The following DDX39A variants were observed in gnomAD, a reference collection of about 807,000 sequenced individuals.
DDX39A encodes DExD-box helicase 39A.
Under a neutral mutation model 46.3 loss-of-function variants are expected in DDX39A, and 13 were observed. The observed-to-expected ratio is 0.28, with a 90% CI of 0.18 to 0.45. The LOEUF (loss-of-function observed/expected upper bound fraction) is 0.45. Among genes scored for constraint, DDX39A ranks in the 20% least tolerant of loss-of-function variants. The pLI, the probability that DDX39A is intolerant of heterozygous loss-of-function variation, is 1.00. For missense variants in DDX39A, 352 were observed against 581.8 expected (o/e 0.61, Z 4.06); for synonymous variants, 234 against 224.6 (o/e 1.04, Z -0.38).
chr19:14,417,151 G>C lies in DDX39A; in HGVS notation c.-5+2119C>G, dbSNP rs1235129387. ...TCACCAAATAAAAGAGAAGTAACCA[G>C]GGTAGGGGCGTGAGGTAAGGAAAGA... On this transcript the variant is annotated intron_variant, in intron 1 of 10. Coordinates refer to ENST00000242776, the MANE Select transcript of DDX39A (RefSeq NM_005804.4). Among the ~76,000 whole-genome samples the C allele has an allele frequency of 3.3e-5, 5 of 152,254 alleles. No homozygotes were observed. The East Asian group carries it at 9.7e-4, about 29-fold the overall frequency.
chr19:14,409,287 C>A lies in DDX39A; in HGVS notation c.1119+16G>T. The A allele has an allele frequency of 6.2e-7, 1 of 1,614,130 alleles. No individual in the cohort carries two copies. Among genetic ancestry groups the A allele is most frequent in the Non-Finnish European group, 8.5e-7 (1 of 1,180,002 alleles). On this transcript the variant is annotated intron_variant, in intron 9 of 10. Coordinates refer to ENST00000242776, the MANE Select transcript of DDX39A (RefSeq NM_005804.4). This position sits in a 1 kb window ranked among gnomAD's most constrained non-coding sequence, Gnocchi z 8.3. ...CCACCGCCAGGGGAAAGCAACATGC[C>A]CGTGAGGCTGCTCACCCGGTGCAGG...
Position 14,408,830 on chromosome 19 carries a change from C to T in DDX39A, c.*106G>A. 6.8e-7 allele frequency: 1 copy of T among 1,462,384 alleles called. No homozygotes were observed. Among genetic ancestry groups the T allele is most frequent in the Non-Finnish European group, 9.1e-7 (1 of 1,097,480 alleles). The allele number at this position is 1,462,384 out of a possible 1,614,324, so 90.6% of individuals were successfully genotyped here. ...GGTGGGAGCCAGGCTTCCATAATAA[C>T]AAGTTTATTCTCATACAATCTCTAG... On this transcript the variant is annotated 3_prime_UTR_variant, in exon 11 of 11. Coordinates refer to ENST00000242776, the MANE Select transcript of DDX39A (RefSeq NM_005804.4).
At position 14,409,496 on chromosome 19, in the gene DDX39A, G is replaced by A. The variant is rs1976466002; in HGVS notation, c.974+40C>T. The A allele has an allele frequency of 2.5e-6, 4 of 1,611,360 alleles. No individual in the cohort carries two copies. Among genetic ancestry groups the A allele is most frequent in the Admixed American group, 3.3e-5 (2 of 59,996 alleles). On this transcript the variant is annotated intron_variant, in intron 8 of 10. Transcript: ENST00000242776. This position sits in a 1 kb window ranked among gnomAD's most constrained non-coding sequence, Gnocchi z 8.3. ...GAGGCCGTCAGACACTGGGCTCCTG[G>A]TGGTGCTCCCTGCAGCCTTGGCGGG...
In DDX39A at chr19:14,410,012, C is replaced by G; in HGVS notation, c.733-139G>C. The G allele has an allele frequency of 8.2e-7, 1 of 1,222,054 alleles. No homozygotes were observed. Among genetic ancestry groups the G allele is most frequent in the Non-Finnish European group, 1.2e-6 (1 of 837,910 alleles). 75.7% of individuals were successfully genotyped at this position (1,222,054 alleles called of 1,614,324 possible). A position where few individuals can be genotyped will look rare whatever the true frequency, so the allele number is the denominator to read the frequency against. Reference sequence around the variant, plus strand: ...GCACCAGACCTCAGTAAACATCGCTCAAAAGCTGGATGTAAGCTCTGGCCC... The same window carrying G: ...GCACCAGACCTCAGTAAACATCGCTGAAAAGCTGGATGTAAGCTCTGGCCC... On this transcript the variant is annotated intron_variant, in intron 6 of 10. Coordinates refer to ENST00000242776, the MANE Select transcript of DDX39A (RefSeq NM_005804.4). The surrounding 1 kb of genome is among the most constrained non-coding windows in gnomAD (Gnocchi z 4.3).
rs554181705 is a variant in DDX39A at position 14,411,593 on chromosome 19, C to A, written c.342G>T (p.Thr114=). 1 of 1,607,252 alleles carries A rather than the reference C, an allele frequency of 6.2e-7. No homozygotes were observed. Among genetic ancestry groups the A allele is most frequent in the Non-Finnish European group, 8.5e-7 (1 of 1,178,850 alleles). ...CCCTCGTGTGGCACATGACCAGGAC[C>A]GTCACCTGGGAAGTGGCATAAGAAG... ...QQIEPVNGQV[T]VLVMCHTREL... The change falls in exon 4 of 11, where the codon ACG becomes ACT. Residue 114 remains threonine, a synonymous_variant. Transcript: ENST00000242776. This position sits in a 1 kb window ranked among gnomAD's most constrained non-coding sequence, Gnocchi z 4.1.
At chr19:14,418,802 A>AATCCCGT in intron 1 of DDX39A, 1 of 408,536 alleles carries the variant, frequency 2.4e-6, no homozygotes, top group South Asian at 1.7e-5. Flanking sequence ...CAGAATCCCG[A>AATCCCGT]ATCCCGTAAA....
intron 1 of DDX39A, among the ~76,000 whole-genome samples, chr19:14,417,377 T>C (rs1284143698): frequency 6.6e-6 from 1 of 151,448 alleles, no homozygotes; most frequent in African/African-American, 2.4e-5. Flanking sequence ...TCCCAGCACT[T>C]TGAGAAGCCA....
At chr19:14,414,689 G>A (rs1306851106) in intron 1 of DDX39A, among the ~76,000 whole-genome samples, 1 of 150,066 alleles carries the variant, frequency 6.7e-6, no homozygotes, top group Non-Finnish European at 1.5e-5. Context: ...CAGGCTGCGC[G>A]CGGTGGCTCA....
rs941926055 is a variant in DDX39A at position 14,410,143 on chromosome 19, C to T, written c.732+73G>A. The T allele has an allele frequency of 1.8e-5, 24 of 1,334,994 alleles. No homozygotes were observed. The highest frequency in any genetic ancestry group is 1.4e-4 in the African/African-American group (10 of 69,398). 82.7% of individuals were successfully genotyped at this position (1,334,994 alleles called of 1,614,324 possible). A position where few individuals can be genotyped will look rare whatever the true frequency, so the allele number is the denominator to read the frequency against. On this transcript the variant is annotated intron_variant, in intron 6 of 10. Transcript: ENST00000242776. This position sits in a 1 kb window ranked among gnomAD's most constrained non-coding sequence, Gnocchi z 4.3. ...CCAGCATCCTCCGTGCCATGTGGGC[C>T]GTGCGGGTGTCCTGGGGCCCCAGGC...
chr19:14,410,486 T>TGCCTGAG lies in DDX39A; in HGVS notation c.614-159_614-153dup. On this transcript the variant is annotated intron_variant, in intron 5 of 10. Transcript: ENST00000242776. This position sits in a 1 kb window ranked among gnomAD's most constrained non-coding sequence, Gnocchi z 4.3. ...GAGCCGCGGGAGTGGCCAGTCCTGG[T>TGCCTGAG]GCCTGAGGGGCTGGGGGGTGGCCAG... The TGCCTGAG allele has an allele frequency of 1.5e-6, 1 of 679,100 alleles. No individual in the cohort carries two copies. Among genetic ancestry groups the TGCCTGAG allele is most frequent in the South Asian group, 1.7e-5 (1 of 60,336 alleles). The allele number at this position is 679,100 out of a possible 1,614,324, so 42.1% of individuals were successfully genotyped here.
chr19:14,410,873 A>T lies in DDX39A; in HGVS notation c.613+116T>A. On this transcript the variant is annotated intron_variant, in intron 5 of 10. Transcript: ENST00000242776. The surrounding 1 kb of genome is among the most constrained non-coding windows in gnomAD (Gnocchi z 4.3). ...CAGCAGCAGAGCTTTCCCCAAGATC[A>T]CCACAGGAGCCCCGCCTGCCGGCCG... 1.0e-6 allele frequency: 1 copy of T among 962,366 alleles called. No individual in the cohort carries two copies. Among genetic ancestry groups the T allele is most frequent in the Non-Finnish European group, 1.5e-6 (1 of 677,772 alleles). The allele number at this position is 962,366 out of a possible 1,614,324, so 59.6% of individuals were successfully genotyped here.
chr19:14,416,561 A>G (rs1976816083), intron 1 of DDX39A, among the ~76,000 whole-genome samples: 1 of 152,242 alleles, frequency 6.6e-6, no homozygotes, highest in Non-Finnish European at 1.5e-5. Context: ...AACAGGAGCC[A>G]AGAAAGGTCA....
At chr19:14,414,738 T>C (rs1479714971) in intron 1 of DDX39A, among the ~76,000 whole-genome samples, 1 of 148,080 alleles carries the variant, frequency 6.8e-6, no homozygotes, top group East Asian at 2.1e-4. Context: ...CCAAGGCGGG[T>C]GGGTCACCTG....
rs893748477 is a variant in DDX39A, at chr19:14,411,771, T to C, written c.337-173A>G. Among the ~76,000 whole-genome samples the C allele has an allele frequency of 1.3e-5, 2 of 151,014 alleles. No homozygotes were observed. Among genetic ancestry groups the C allele is most frequent in the South Asian group, 4.2e-4 (2 of 4,774 alleles). ...CGGCCCTTCCCCACCCCTCACTCCC[T>C]ATACCCTCCCACAGCTATTGAAACC... On this transcript the variant is annotated intron_variant, in intron 3 of 10. Coordinates refer to ENST00000242776, the MANE Select transcript of DDX39A (RefSeq NM_005804.4). This position sits in a 1 kb window ranked among gnomAD's most constrained non-coding sequence, Gnocchi z 4.1.
chr19:14,411,201 T>C lies in DDX39A; in HGVS notation c.430-29A>G. On this transcript the variant is annotated intron_variant, in intron 4 of 10. Coordinates refer to ENST00000242776, the MANE Select transcript of DDX39A (RefSeq NM_005804.4). The surrounding 1 kb of genome is among the most constrained non-coding windows in gnomAD (Gnocchi z 4.1). ...TGGGGATGAGGAGGAAACCGCTCCA[T>C]GCTGATACACGGCCCAAGGCCCCAA... The C allele has an allele frequency of 6.5e-7, 1 of 1,543,684 alleles. No homozygotes were observed. Among genetic ancestry groups the C allele is most frequent in the Non-Finnish European group, 8.7e-7 (1 of 1,145,540 alleles).
At position 14,410,192 on chromosome 19, in the gene DDX39A, A is replaced by G. The variant is rs1976516815; in HGVS notation, c.732+24T>C. On this transcript the variant is annotated intron_variant, in intron 6 of 10. Coordinates refer to ENST00000242776, the MANE Select transcript of DDX39A (RefSeq NM_005804.4). The surrounding 1 kb of genome is among the most constrained non-coding windows in gnomAD (Gnocchi z 4.3). ...GCTCCAGGCCCCTGGGGAAGGCCAA[A>G]GCTGCCACTCTCGCCCTACTCACAT... 1 of 1,606,426 alleles carries G rather than the reference A, an allele frequency of 6.2e-7. No homozygotes were observed. Among genetic ancestry groups the G allele is most frequent in the Non-Finnish European group, 8.5e-7 (1 of 1,173,468 alleles).
intron 1 of DDX39A, among the ~76,000 whole-genome samples, chr19:14,414,325 T>TTTATTATTATTATTATTA (rs376558858): frequency 7.5e-6 from 1 of 133,518 alleles, no homozygotes; most frequent in Non-Finnish European, 1.6e-5. Context: ...TATCACCTGT[T>TTTATTATTATTATTATTA]TTATTATTAT....
chr19:14,415,984 T>C, intron 1 of DDX39A: 1 of 158,806 alleles, frequency 6.3e-6, no homozygotes, highest in South Asian at 1.3e-4. Flanking sequence ...GAGAATCACT[T>C]GAACCTAGGA....
Position 14,410,750 on chromosome 19 carries a change from A to G in DDX39A, c.613+239T>C. The G allele has an allele frequency of 1.8e-6, 1 of 544,188 alleles. No individual in the cohort carries two copies. Among genetic ancestry groups the G allele is most frequent in the South Asian group, 2.4e-5 (1 of 42,086 alleles). The allele number at this position is 544,188 out of a possible 1,614,324, so 33.7% of individuals were successfully genotyped here. ...GGTGGCAGAAGCCTCATACTCCCAG[A>G]GGTATGTGTGCATGCCTTTACGTCC... On this transcript the variant is annotated intron_variant, in intron 5 of 10. Transcript: ENST00000242776. The surrounding 1 kb of genome is among the most constrained non-coding windows in gnomAD (Gnocchi z 4.3).
Sources: gnomAD v4.1 joint callset for allele counts (sites outside exome capture counted in the v4.1 genomes callset) on GRCh38, gnomAD v4.1.1 for gene constraint, Gnocchi (gnomAD v3.1) non-coding constraint, MANE v1.5 for transcripts, NCBI Gene and HGNC (gene_info 2026-07-23, HGNC 2026-07-21) for gene names.